The following KCNMA1 variants were observed in gnomAD, a reference collection of about 807,000 sequenced individuals.
KCNMA1 encodes potassium calcium-activated channel subfamily M alpha 1, also known as Calcium-activated potassium channel subunit alpha-1.
A neutral mutation model predicts 140.0 loss-of-function variants in KCNMA1; 29 were observed. The observed-to-expected ratio is 0.21, with a 90% CI of 0.15 to 0.28. The LOEUF is 0.28. Among genes scored for constraint, KCNMA1 ranks in the 10% least tolerant of loss-of-function variants. KCNMA1 has a pLI of 1.00. For missense variants in KCNMA1, 880 were observed against 1,602.2 expected (o/e 0.55, Z 7.70); for synonymous variants, 612 against 611.9 (o/e 1.00, Z 0.00).
chr10:77,204,945 C>T (rs2043596492), intron 3 of KCNMA1, among the ~76,000 whole-genome samples: 1 of 152,062 alleles, frequency 6.6e-6, no homozygotes, highest in Non-Finnish European at 1.5e-5. Flanking sequence ...TGATTTAATC[C>T]CCCTTCCCCT....
rs1432307691 is a variant in KCNMA1, at chr10:77,435,978, AC to A, written c.379-31956del. On this transcript the variant is annotated intron_variant, in intron 1 of 27. Coordinates refer to ENST00000286628, the MANE Select transcript of KCNMA1 (RefSeq NM_001161352.2). Reference sequence around the variant, plus strand: ...ATCTTTTTATTCCCGATCTTAGACTACCTGTGTGTGCAATATGTGTTTCCAC... The same window carrying A: ...ATCTTTTTATTCCCGATCTTAGACTACTGTGTGTGCAATATGTGTTTCCAC... Among the ~76,000 whole-genome samples, 7 of 152,282 alleles carry A rather than the reference AC, an allele frequency of 4.6e-5. No individual in the cohort carries two copies. The East Asian group carries it at 1.4e-3, about 29-fold the overall frequency.
intron 1 of KCNMA1, among the ~76,000 whole-genome samples, chr10:77,605,362 G>A (rs1336138632): frequency 1.3e-5 from 2 of 152,226 alleles, no homozygotes; most frequent in East Asian, 1.9e-4. Flanking sequence ...CAAAGCACCC[G>A]GCAAGTGGGA....
chr10:77,307,823 A>G (rs570563970), intron 2 of KCNMA1, among the ~76,000 whole-genome samples: 5 of 152,188 alleles, frequency 3.3e-5, no homozygotes, highest in Non-Finnish European at 7.3e-5. Context: ...GGCTGGGATT[A>G]CAGGCATGAG....
intron 2 of KCNMA1, among the ~76,000 whole-genome samples, chr10:77,393,692 G>A (rs978305227): frequency 6.6e-6 from 1 of 152,254 alleles, no homozygotes; most frequent in Non-Finnish European, 1.5e-5. Context: ...AAGAGCTGAA[G>A]TGAGTTTTGA....
At chr10:77,132,780 T>C (rs1281262405) in intron 5 of KCNMA1, among the ~76,000 whole-genome samples, 1 of 152,150 alleles carries the variant, frequency 6.6e-6, no homozygotes, top group Non-Finnish European at 1.5e-5. Context: ...AAGGATATCT[T>C]TACAATTCTC....
chr10:77,512,288 C>T (rs1482398105), intron 1 of KCNMA1, among the ~76,000 whole-genome samples: 1 of 152,214 alleles, frequency 6.6e-6, no homozygotes, highest in Non-Finnish European at 1.5e-5. Context: ...CACAGTCCCC[C>T]CTTATCCATA....
intron 1 of KCNMA1, among the ~76,000 whole-genome samples, chr10:77,557,633 G>A (rs1300803059): frequency 1.4e-5 from 2 of 144,590 alleles, no homozygotes; most frequent in African/African-American, 2.6e-5. Context: ...AATTCAGACT[G>A]CCCAGGAAGT....
intron 6 of KCNMA1, 121 bp from the exon 7 acceptor site, chr10:77,112,563 T>G (rs2097350695): frequency 5.5e-6 from 4 of 720,774 alleles, no homozygotes; most frequent in African/African-American, 3.5e-5. Context: ...TCCCAACCAT[T>G]TCTCCATTAT....
chr10:77,030,398 T>C (rs186055243), intron 15 of KCNMA1, among the ~76,000 whole-genome samples: 9 of 152,366 alleles, frequency 5.9e-5, no homozygotes, highest in Admixed American at 4.6e-4. Flanking sequence ...ATGCAATGTT[T>C]ATTGAACCAA....
intron 3 of KCNMA1, among the ~76,000 whole-genome samples, chr10:77,220,389 A>G (rs1486544604): frequency 6.6e-6 from 1 of 152,192 alleles, no homozygotes; most frequent in East Asian, 1.9e-4. Context: ...TTAGATGTTC[A>G]TGGGGTCAGA....
intron 3 of KCNMA1, among the ~76,000 whole-genome samples, chr10:77,218,593 T>C (rs1191207880): frequency 6.6e-6 from 1 of 152,194 alleles, no homozygotes; most frequent in Non-Finnish European, 1.5e-5. Context: ...CCCAATCCCA[T>C]GTAGAGCCCG....
chr10:77,615,658 G>T (rs76939640), intron 1 of KCNMA1, among the ~76,000 whole-genome samples: 1 of 151,742 alleles, frequency 6.6e-6, no homozygotes, highest in Non-Finnish European at 1.5e-5. Context: ...CCTCTCCCTC[G>T]TCCTTCCTAT....
intron 1 of KCNMA1, among the ~76,000 whole-genome samples, chr10:77,524,198 T>C (rs72809508): frequency 0.17 from 26,551 of 152,194 alleles, 3,145 homozygotes; most frequent in East Asian, 0.54. Flanking sequence ...AGAATAGGGG[T>C]TGTGGTGCAA....
intron 2 of KCNMA1, among the ~76,000 whole-genome samples, chr10:77,370,401 C>CA (rs924107720): frequency 3.5e-4 from 52 of 149,928 alleles, no homozygotes; most frequent in Non-Finnish European, 5.6e-4. Context: ...TATTTCCTAC[C>CA]AAAAAAAAAG....
chr10:77,208,959 C>T (rs1435962857), intron 3 of KCNMA1, among the ~76,000 whole-genome samples: 3 of 152,240 alleles, frequency 2.0e-5, no homozygotes, highest in Middle Eastern at 3.4e-3. Context: ...CAGTACTTGG[C>T]CAAGCTCAGT....
chr10:77,509,946 C>A (rs2047744121), intron 1 of KCNMA1, among the ~76,000 whole-genome samples: 1 of 151,750 alleles, frequency 6.6e-6, no homozygotes, highest in Admixed American at 6.6e-5. Context: ...AGTGCAAGAC[C>A]CTACAACCTT....
chr10:77,592,546 G>A (rs954145421), intron 1 of KCNMA1, among the ~76,000 whole-genome samples: 2 of 152,160 alleles, frequency 1.3e-5, no homozygotes, highest in Non-Finnish European at 2.9e-5. Context: ...ATATTTTGAT[G>A]GCAAATCCAG....
At chr10:76,928,289 G>GCGCACACACA (rs1478548715) in intron 23 of KCNMA1, among the ~76,000 whole-genome samples, 1 of 73,316 alleles carries the variant, frequency 1.4e-5, no homozygotes, top group African/African-American at 3.7e-5. Context: ...ACACGCGCGC[G>GCGCACACACA]CACACACACA....
chr10:77,538,099 A>G (rs945190887), intron 1 of KCNMA1, among the ~76,000 whole-genome samples: 1 of 151,528 alleles, frequency 6.6e-6, no homozygotes, highest in Non-Finnish European at 1.5e-5. Context: ...TCACATTCAC[A>G]TACTCTACAC....
Sources: allele counts gnomAD v4.1 joint callset (sites outside exome capture counted in the v4.1 genomes callset), GRCh38; gene constraint gnomAD v4.1.1; transcripts MANE v1.5; gene names NCBI Gene and HGNC (gene_info 2026-07-23, HGNC 2026-07-21).